Variants in FBXL7 observed in about 807,000 individuals in gnomAD.
FBXL7 encodes the protein F-box/LRR-repeat protein 7.
In FBXL7, 12 loss-of-function variants were observed where a neutral mutation model predicts 38.3. The ratio of observed to expected loss-of-function variants is 0.31; its 90% CI spans 0.20 to 0.51. The LOEUF (loss-of-function observed/expected upper bound fraction) is 0.51, where lower values mean the gene tolerates loss of function less well. Among genes scored for constraint, FBXL7 ranks in the 20% least tolerant of loss-of-function variants. FBXL7 has a pLI of 0.98. For synonymous variants in FBXL7, 297 were observed against 300.9 expected, an observed-to-expected ratio of 0.99 and a Z score of 0.13; for missense variants, 567 against 676.4, an observed-to-expected ratio of 0.84 and a Z score of 1.79.
At chr5:15,503,210 C>G (rs1736547412) in intron 1 of FBXL7, among the ~76,000 whole-genome samples, 1 of 152,184 alleles carries the variant, frequency 6.6e-6, no homozygotes. Context: ...TACTTGAGGT[C>G]AGGAGTTCAA....
intron 2 of FBXL7, among the ~76,000 whole-genome samples, chr5:15,623,966 G>T (rs1413344270): frequency 6.6e-6 from 1 of 152,204 alleles, no homozygotes; most frequent in Non-Finnish European, 1.5e-5. Context: ...CTTGACATAA[G>T]ATGTGTACTT....
chr5:15,730,637 A>G (rs1735556700), intron 2 of FBXL7, among the ~76,000 whole-genome samples: 1 of 152,246 alleles, frequency 6.6e-6, no homozygotes, highest in Non-Finnish European at 1.5e-5. Flanking sequence ...GGTTTTAGGA[A>G]TATAGATATA....
At chr5:15,925,108 A>G (rs974335921) in intron 2 of FBXL7, among the ~76,000 whole-genome samples, 1 of 152,270 alleles carries the variant, frequency 6.6e-6, no homozygotes, top group Non-Finnish European at 1.5e-5. Flanking sequence ...GACAAAGGAT[A>G]TGGGGACACA....
At chr5:15,916,934 T>C (rs1741599173) in intron 2 of FBXL7, among the ~76,000 whole-genome samples, 1 of 152,206 alleles carries the variant, frequency 6.6e-6, no homozygotes. Context: ...AAGTCCTCAA[T>C]AGAAGTTGTG....
At chr5:15,800,766 T>C (rs1309531736) in intron 2 of FBXL7, among the ~76,000 whole-genome samples, 1 of 152,112 alleles carries the variant, frequency 6.6e-6, no homozygotes, top group Non-Finnish European at 1.5e-5. Flanking sequence ...GTCCGGGGTG[T>C]TATCACAGAA....
intron 2 of FBXL7, among the ~76,000 whole-genome samples, chr5:15,800,224 G>A (rs2126740270): frequency 6.6e-6 from 1 of 152,234 alleles, no homozygotes; most frequent in Non-Finnish European, 1.5e-5. Context: ...GGATATGAAA[G>A]CAGGTGTCTG....
intron 1 of FBXL7, among the ~76,000 whole-genome samples, chr5:15,520,809 ATACAAT>A (rs1262556462): frequency 1.3e-5 from 2 of 152,246 alleles, no homozygotes; most frequent in South Asian, 2.1e-4. Context: ...AATTTAAAAA[ATACAAT>A]TAAAATTAAA....
chr5:15,633,770 T>C (rs1741077236), intron 2 of FBXL7, among the ~76,000 whole-genome samples: 1 of 140,980 alleles, frequency 7.1e-6, no homozygotes, highest in South Asian at 2.1e-4. Context: ...TTATTATTAT[T>C]ATTATTATTT....
intron 1 of FBXL7, among the ~76,000 whole-genome samples, chr5:15,505,897 C>T (rs140724914): frequency 6.6e-5 from 10 of 152,184 alleles, no homozygotes; most frequent in African/African-American, 1.7e-4. Context: ...TGGAGAGTAC[C>T]GAACCTGATT....
chr5:15,596,420 G>A (rs939849759), intron 1 of FBXL7, among the ~76,000 whole-genome samples: 3 of 152,142 alleles, frequency 2.0e-5, no homozygotes, highest in African/African-American at 4.8e-5. Context: ...TCAGAATTTA[G>A]GTAGGCCAAG....
At chr5:15,598,800 G>A (rs1739704949) in intron 1 of FBXL7, among the ~76,000 whole-genome samples, 1 of 152,092 alleles carries the variant, frequency 6.6e-6, no homozygotes, top group Non-Finnish European at 1.5e-5. Context: ...AGCAATCACT[G>A]GGCAATGAGG....
chr5:15,693,896 A>G (rs910176149), intron 2 of FBXL7, among the ~76,000 whole-genome samples: 5 of 151,862 alleles, frequency 3.3e-5, no homozygotes, highest in Non-Finnish European at 7.4e-5. Context: ...ATTCAATAAA[A>G]CCTTGCACTC....
chr5:15,829,878 T>C (rs1561142723), intron 2 of FBXL7, among the ~76,000 whole-genome samples: 1 of 152,212 alleles, frequency 6.6e-6, no homozygotes, highest in Non-Finnish European at 1.5e-5. Context: ...TCCTGAGAAG[T>C]GATTGCCTTC....
chr5:15,779,588 T>G (rs1392732078), intron 2 of FBXL7, among the ~76,000 whole-genome samples: 1 of 152,146 alleles, frequency 6.6e-6, no homozygotes, highest in Non-Finnish European at 1.5e-5. Context: ...CGGTTCACAG[T>G]CATTGGTTTC....
In FBXL7 at chr5:15,802,276, A is replaced by C. The variant is rs1239449357; in HGVS notation, c.128-125614A>C. On this transcript the variant is annotated intron_variant, in intron 2 of 3. Coordinates refer to ENST00000504595, the MANE Select transcript of FBXL7 (RefSeq NM_012304.5). ...CCAGTAGCCAGTGTGACCTTTGAGAAGCATGACCCAGATCATGTCAGGTCC... is the reference window on the plus strand; with the variant it reads ...CCAGTAGCCAGTGTGACCTTTGAGACGCATGACCCAGATCATGTCAGGTCC... Among the ~76,000 whole-genome samples the C allele has an allele frequency of 2.0e-5, 3 of 152,130 alleles. 1 individual carries two copies. In the South Asian group the frequency reaches 6.2e-4, roughly 32 times the overall value.
intron 2 of FBXL7, among the ~76,000 whole-genome samples, chr5:15,813,978 G>T (rs1171464157): frequency 6.6e-6 from 1 of 152,178 alleles, no homozygotes; most frequent in Non-Finnish European, 1.5e-5. Context: ...CACTGTTGGT[G>T]GGAGTGTAAA....
intron 1 of FBXL7, among the ~76,000 whole-genome samples, chr5:15,546,070 A>G (rs971653686): frequency 2.6e-5 from 4 of 152,248 alleles, no homozygotes; most frequent in Admixed American, 1.3e-4. Context: ...TATTAAAATT[A>G]TAGCATGCAT....
chr5:15,562,298 G>T (rs1189052863), intron 1 of FBXL7, among the ~76,000 whole-genome samples: 1 of 152,032 alleles, frequency 6.6e-6, no homozygotes, highest in African/African-American at 2.4e-5. Flanking sequence ...GCACACCAAA[G>T]GAAGCAGTCA....
Position 15,872,885 on chromosome 5 carries a change from T to C in FBXL7, c.128-55005T>C, listed in dbSNP as rs561033186. Among the ~76,000 whole-genome samples the C allele has an allele frequency of 9.2e-5, 14 of 152,182 alleles. 1 individual carries two copies. The highest frequency in any genetic ancestry group is 3.4e-4 in the African/African-American group (14 of 41,526). On this transcript the variant is annotated intron_variant, in intron 2 of 3. Transcript: ENST00000504595. The stretch of plus-strand genomic sequence containing the variant: ...TAGACATATCAACAAGACAGAAAAT[T>C]AAGAAGGATATTCAGGACTTGAACT...
Sources: allele counts gnomAD v4.1 joint callset (sites outside exome capture counted in the v4.1 genomes callset), GRCh38; gene constraint gnomAD v4.1.1; transcripts MANE v1.5; gene names NCBI Gene and HGNC (gene_info 2026-07-23, HGNC 2026-07-21).